Variants in BANP observed in about 807,000 individuals in gnomAD.
The protein encoded by BANP is BTG3 associated nuclear protein, also known as protein BANP.
BANP carries 11 observed loss-of-function variants against 68.1 expected under a neutral mutation model. That is an observed-to-expected ratio of 0.16 (90% CI 0.10 to 0.27). The LOEUF (loss-of-function observed/expected upper bound fraction) is 0.27. Among genes scored for constraint, BANP ranks in the 10% least tolerant of loss-of-function variants. BANP has a pLI of 1.00. For synonymous variants in BANP, 329 were observed against 303.2 expected, an observed-to-expected ratio of 1.09 and a Z score of -0.88; for missense variants, 504 against 722.7, an observed-to-expected ratio of 0.70 and a Z score of 3.47.
intron 4 of BANP, among the ~76,000 whole-genome samples, chr16:87,989,946 C>T (rs1472550102): frequency 4.8e-5 from 5 of 105,072 alleles, no homozygotes; most frequent in South Asian, 3.2e-4. Context: ...ACAGGGCGGG[C>T]GACAGGGGAT....
intron 7 of BANP, among the ~76,000 whole-genome samples, chr16:88,022,449 A>G (rs2076205733): frequency 6.6e-6 from 1 of 152,218 alleles, no homozygotes; most frequent in South Asian, 2.1e-4. Flanking sequence ...TTATGCTTTC[A>G]GGGTTGACCT....
intron 7 of BANP, among the ~76,000 whole-genome samples, chr16:88,025,426 G>A (rs2152705711): frequency 6.6e-6 from 1 of 152,226 alleles, no homozygotes; most frequent in East Asian, 1.9e-4. Context: ...GTGACTTGGA[G>A]TATTTTAGAG....
At chr16:87,988,006 T>G (rs1211672414) in intron 4 of BANP, among the ~76,000 whole-genome samples, 1 of 151,950 alleles carries the variant, frequency 6.6e-6, no homozygotes, top group Non-Finnish European at 1.5e-5. Flanking sequence ...GTCCTGAAAA[T>G]TAGAAATAAA....
chr16:88,019,795 C>T (rs1485592859), intron 7 of BANP, among the ~76,000 whole-genome samples: 6 of 152,178 alleles, frequency 3.9e-5, no homozygotes, highest in East Asian at 3.9e-4. Flanking sequence ...CAGTGTGGCC[C>T]GTGAGCCTCT....
At chr16:88,025,986 G>A (rs2076913147) in intron 7 of BANP, among the ~76,000 whole-genome samples, 2 of 152,218 alleles carry the variant, frequency 1.3e-5, no homozygotes, top group African/African-American at 2.4e-5. Flanking sequence ...TACAGGGATG[G>A]GGTCCTGTGG....
At chr16:88,040,379 A>C (rs1439610137) in intron 11 of BANP, among the ~76,000 whole-genome samples, 1 of 151,988 alleles carries the variant, frequency 6.6e-6, no homozygotes, top group Non-Finnish European at 1.5e-5. Context: ...TTCAGAAAGC[A>C]CAGAGAAGCC....
intron 1 of BANP, among the ~76,000 whole-genome samples, chr16:87,964,077 C>G (rs1163249074): frequency 6.6e-6 from 1 of 152,226 alleles, no homozygotes; most frequent in Non-Finnish European, 1.5e-5. Context: ...CATTCATGAA[C>G]TGAGTAGTTA....
intron 9 of BANP, 33 bp downstream of exon 9, chr16:88,033,278 AG>A: frequency 6.6e-7 from 1 of 1,515,356 alleles, no homozygotes; most frequent in Non-Finnish European, 8.9e-7. Flanking sequence ...ACCTTGGGAA[AG>A]GGGGCTGCGG....
At chr16:87,951,632 AGCCCCGCCGCC>A (rs927372772) in intron 1 of BANP, 117 bp downstream of exon 1, 1 of 146,916 alleles carries the variant, frequency 6.8e-6, no homozygotes, top group African/African-American at 2.5e-5. Context: ...CCCGCGCCGC[AGCCCCGCCGCC>A]GCCAACCGCC....
intron 13 of BANP, among the ~76,000 whole-genome samples, chr16:88,073,926 G>A (rs563141768): frequency 3.3e-5 from 5 of 152,342 alleles, no homozygotes; most frequent in South Asian, 4.1e-4. Context: ...AGGATCCATC[G>A]TAACAGCCAA....
At chr16:88,059,987 G>C (rs983683473) in intron 11 of BANP, among the ~76,000 whole-genome samples, 1 of 152,254 alleles carries the variant, frequency 6.6e-6, no homozygotes, top group African/African-American at 2.4e-5. Context: ...GGGGTTCTCC[G>C]TGTAGTGTGT....
At chr16:88,012,246 T>G (rs560768868) in intron 6 of BANP, among the ~76,000 whole-genome samples, 1 of 152,374 alleles carries the variant, frequency 6.6e-6, no homozygotes, top group South Asian at 2.1e-4. Context: ...GAATTCTGTG[T>G]GGGTTTGCTC....
intron 6 of BANP, among the ~76,000 whole-genome samples, chr16:88,010,458 G>C (rs1299996719): frequency 1.3e-5 from 2 of 152,212 alleles, no homozygotes. Flanking sequence ...GCCAGTGAAG[G>C]CTGGTGAGGC....
chr16:88,061,458 C>G (rs1399616639), intron 11 of BANP, among the ~76,000 whole-genome samples: 1 of 152,230 alleles, frequency 6.6e-6, no homozygotes, highest in East Asian at 1.9e-4. Flanking sequence ...TGCTCTGTTT[C>G]TGACCATCCA....
Position 88,033,233 on chromosome 16 carries a change from A to G in BANP, c.1188A>G (p.Gly396=), listed in dbSNP as rs1195836259. ...QVQIHQIGED[G]QVQVIPQGHL... is the part of the protein sequence containing the mutation. ...AGATCCACCAGATCGGAGAAGACGG[A>G]CAGGTGCAAGTAGTACGTACCCTCT... The change falls in exon 9 of 14, where the codon GGA becomes GGG. Residue 396 remains glycine (G), a synonymous_variant. Coordinates refer to ENST00000682872, the MANE Select transcript of BANP (RefSeq NM_001386991.1). 5 of 1,604,324 alleles carry G rather than the reference A, an allele frequency of 3.1e-6. No homozygotes were observed. The South Asian group carries it at 4.4e-5, about 14-fold the overall frequency.
chr16:88,020,492 G>A (rs1039391084), intron 7 of BANP, among the ~76,000 whole-genome samples: 1 of 152,258 alleles, frequency 6.6e-6, no homozygotes, highest in African/African-American at 2.4e-5. Context: ...ATGAGAAATG[G>A]CCCTGATGGC....
At chr16:88,066,669 G>A (rs1335638923) in intron 12 of BANP, among the ~76,000 whole-genome samples, 1 of 152,224 alleles carries the variant, frequency 6.6e-6, no homozygotes, top group Admixed American at 6.5e-5. Flanking sequence ...AAATCAAGGA[G>A]GAAACTAGAA....
chr16:87,975,779 A>C (rs79858438), intron 2 of BANP, among the ~76,000 whole-genome samples: 4 of 140,570 alleles, frequency 2.8e-5, no homozygotes, highest in Non-Finnish European at 6.0e-5. Context: ...ATGGAACCTT[A>C]CCATGTTGTG....
chr16:88,034,113 C>T (rs976961537), intron 9 of BANP, among the ~76,000 whole-genome samples: 1 of 152,214 alleles, frequency 6.6e-6, no homozygotes. Flanking sequence ...GTGGCTTCAG[C>T]ATGCTGTCTG....
Sources: allele counts gnomAD v4.1 joint callset (sites outside exome capture counted in the v4.1 genomes callset), GRCh38; gene constraint gnomAD v4.1.1; transcripts MANE v1.5; gene names NCBI Gene and HGNC (gene_info 2026-07-23, HGNC 2026-07-21).